The following PCLO variants were observed in gnomAD, a reference collection of about 807,000 sequenced individuals.
The protein encoded by PCLO is protein piccolo.
A neutral mutation model predicts 427.5 loss-of-function variants in PCLO; 82 were observed. The ratio of observed to expected loss-of-function variants is 0.19; its 90% CI spans 0.16 to 0.23. PCLO has a LOEUF of 0.23. Ranked by LOEUF, PCLO falls within the 10% of genes least tolerant of loss-of-function variation. The pLI is 1.00. For synonymous variants in PCLO, 2,357 were observed against 2,155.4 expected (o/e 1.09, Z -2.59); for missense variants, 6,239 against 6,115.9 (o/e 1.02, Z -0.67).
chr7:82,789,159 A>G (rs1791047009), intron 22 of PCLO, among the ~76,000 whole-genome samples: 2 of 152,148 alleles, frequency 1.3e-5, no homozygotes, highest in Admixed American at 1.3e-4. Context: ...TCACAATCCT[A>G]AAGTCACAAG....
intron 22 of PCLO, among the ~76,000 whole-genome samples, chr7:82,776,299 A>T (rs1790747626): frequency 6.6e-6 from 1 of 152,184 alleles, no homozygotes; most frequent in African/African-American, 2.4e-5. Flanking sequence ...TTTTAATAAA[A>T]TGTAAAAACT....
intron 10 of PCLO, chr7:82,867,982 GA>G: frequency 2.8e-6 from 1 of 362,632 alleles, no homozygotes; most frequent in Non-Finnish European, 5.4e-6. Flanking sequence ...CTTCACAGAA[GA>G]GAGTTTCCTA....
chr7:83,021,836 G>T (rs955941115), intron 3 of PCLO, among the ~76,000 whole-genome samples: 4 of 152,080 alleles, frequency 2.6e-5, no homozygotes, highest in Non-Finnish European at 4.4e-5. Flanking sequence ...TAAGAAAGAG[G>T]CAAGAAAATA....
At position 82,952,950 on chromosome 7, in the gene PCLO, T is replaced by C. The variant is rs766395639; in HGVS notation, c.8003A>G (p.Gln2668Arg). 4 of 1,613,918 alleles carry C rather than the reference T, an allele frequency of 2.5e-6. No homozygotes were observed. The Admixed American group carries it at 5.0e-5, about 20-fold the overall frequency. The change falls in exon 5 of 25, where the codon CAG becomes CGG. Residue 2668 changes from glutamine to arginine, a missense_variant. Gln to Arg is a conservative substitution (Grantham distance 43). Coordinates refer to ENST00000333891, the MANE Select transcript of PCLO (RefSeq NM_033026.6). ...CTTGGAAACTTCAGTAGTGAGAAAC[T>C]GTGTAACTGATGTGGGAGCTGCTTG... ...SFQAAPTSVT[Q>R]FLTTEVSKTE...
At position 82,755,411 on chromosome 7, in the gene PCLO, A is replaced by C. The variant is rs1423703785; in HGVS notation, c.*3164T>G. 1 of 152,148 alleles carries C rather than the reference A, an allele frequency of 6.6e-6. No individual in the cohort carries two copies. The highest frequency in any genetic ancestry group is 1.5e-5 in the Non-Finnish European group (1 of 68,036). The allele number at this position is 152,148 out of a possible 1,614,324, so 9.4% of individuals were successfully genotyped here. A position where few individuals can be genotyped will look rare whatever the true frequency, so the allele number is the denominator to read the frequency against. The stretch of plus-strand genomic sequence containing the variant: ...ACAGAGAAAACACCAACTTCGTGCT[A>C]CTAGGGTTATTTGTGTCTGTAATGA... On this transcript the variant is annotated 3_prime_UTR_variant, in exon 25 of 25. Transcript: ENST00000333891.
At chr7:83,063,685 C>A (rs1789595205) in intron 3 of PCLO, among the ~76,000 whole-genome samples, 1 of 152,036 alleles carries the variant, frequency 6.6e-6, no homozygotes, top group Non-Finnish European at 1.5e-5. Flanking sequence ...CAGGATGTAA[C>A]CCCATTAGGG....
At chr7:82,987,763 C>A (rs1306596427) in intron 3 of PCLO, among the ~76,000 whole-genome samples, 2 of 152,044 alleles carry the variant, frequency 1.3e-5, no homozygotes, top group Admixed American at 1.3e-4. Context: ...TAGGTTAATG[C>A]TTAAATATGA....
chr7:83,003,837 C>T (rs576997029), intron 3 of PCLO, among the ~76,000 whole-genome samples: 13 of 151,520 alleles, frequency 8.6e-5, no homozygotes, highest in Non-Finnish European at 1.6e-4. Context: ...GCTTTCATAT[C>T]GGGGTAATTC....
At chr7:83,081,157 C>T (rs1462632845) in intron 3 of PCLO, among the ~76,000 whole-genome samples, 1 of 151,802 alleles carries the variant, frequency 6.6e-6, no homozygotes, top group Non-Finnish European at 1.5e-5. Flanking sequence ...AATGTATTTC[C>T]AACATTTTGT....
At chr7:83,135,772 T>G (rs1234767435) in intron 2 of PCLO, 116 bp from the exon 3 acceptor site, 2 of 597,446 alleles carry the variant, frequency 3.3e-6, no homozygotes, top group African/African-American at 1.9e-5. Flanking sequence ...AAGCAGAAAA[T>G]ATAGAGAAAA....
intron 2 of PCLO, among the ~76,000 whole-genome samples, chr7:83,144,460 T>C (rs1791943257): frequency 6.6e-6 from 1 of 152,132 alleles, no homozygotes; most frequent in South Asian, 2.1e-4. Context: ...TTAACTATAT[T>C]AAGGCCTCTA....
intron 3 of PCLO, among the ~76,000 whole-genome samples, chr7:83,108,842 A>C: frequency 6.6e-6 from 1 of 152,282 alleles, no homozygotes; most frequent in South Asian, 2.1e-4. Flanking sequence ...TTAATTTTCA[A>C]CTTAATCACA....
rs1434057140 is a variant in PCLO, at chr7:82,826,603, CGTT to C, written c.14398_14400del (p.Asn4800del). Reference sequence around the variant, plus strand: ...CAGAGGCTTACCTCCCCAAGGAAGTCGTTGGATGAAAATCTATCATAATCCCAA... The same window carrying C: ...CAGAGGCTTACCTCCCCAAGGAAGTCGGATGAAAATCTATCATAATCCCAA... On this transcript the variant is annotated inframe_deletion, in exon 18 of 25. Transcript: ENST00000333891. 3.1e-6 allele frequency: 5 copies of C among 1,604,654 alleles called. No homozygotes were observed. The highest frequency in any genetic ancestry group is 4.3e-6 in the Non-Finnish European group (5 of 1,173,994).
At chr7:82,884,801 T>G (rs780591383) in intron 9 of PCLO, among the ~76,000 whole-genome samples, 10 of 152,066 alleles carry the variant, frequency 6.6e-5, no homozygotes, top group Non-Finnish European at 4.4e-5. Flanking sequence ...ACTATGGTGT[T>G]AAAGAAAATT....
chr7:83,018,228 C>T (rs1440025907), intron 3 of PCLO, among the ~76,000 whole-genome samples: 1 of 151,548 alleles, frequency 6.6e-6, no homozygotes, highest in Non-Finnish European at 1.5e-5. Context: ...TATTTTAATG[C>T]CACAAAAAGC....
intron 3 of PCLO, among the ~76,000 whole-genome samples, chr7:83,130,134 TTG>T (rs1791534074): frequency 1.7e-5 from 1 of 58,690 alleles, no homozygotes; most frequent in Non-Finnish European, 4.6e-5. Flanking sequence ...TATGTTTTTG[TTG>T]TTGTTGTTGT....
At chr7:83,000,268 TGAGAGAGA>T (rs145445022) in intron 3 of PCLO, among the ~76,000 whole-genome samples, 9,977 of 53,906 alleles carry the variant, frequency 0.19, 397 homozygotes, top group African/African-American at 0.32. Flanking sequence ...TTCAAAGTGT[TGAGAGAGA>T]GAGAGAGAGA....
chr7:82,846,811 G>A (rs1368778856), intron 11 of PCLO, among the ~76,000 whole-genome samples, 177 bp from the exon 12 acceptor site: 2 of 152,072 alleles, frequency 1.3e-5, no homozygotes, highest in African/African-American at 4.8e-5. Context: ...GCAGTTAAAA[G>A]TCAGAGCTGA....
chr7:82,879,275 A>C, intron 10 of PCLO, 62 bp downstream of exon 10: 1 of 1,384,918 alleles, frequency 7.2e-7, no homozygotes, highest in East Asian at 2.5e-5. Flanking sequence ...TGCATATTAA[A>C]TTAAAATGTA....
Sources: allele counts gnomAD v4.1 joint callset (sites outside exome capture counted in the v4.1 genomes callset), GRCh38; gene constraint gnomAD v4.1.1; transcripts MANE v1.5; gene names NCBI Gene and HGNC (gene_info 2026-07-23, HGNC 2026-07-21).